EXOC6: variants seen among roughly 807,000 people sequenced by gnomAD.
EXOC6 encodes exocyst complex component 6, also known as SEC15-like 1.
In EXOC6, 60 loss-of-function variants were observed where a neutral mutation model predicts 112.5. The ratio of observed to expected loss-of-function variants is 0.53; its 90% CI spans 0.43 to 0.66. EXOC6 has a LOEUF of 0.66. Ranked by LOEUF, EXOC6 falls within the 30% of genes least tolerant of loss-of-function variation. The probability of loss-of-function intolerance (pLI) is 0.00; values close to 1 mark genes in which losing one functional copy is unlikely to be tolerated. For missense variants in EXOC6, 855 were observed against 957.1 expected (o/e 0.89, Z 1.41); for synonymous variants, 295 against 308.0 (o/e 0.96, Z 0.44).
intron 8 of EXOC6, among the ~76,000 whole-genome samples, chr10:92,927,025 C>T (rs556064637): frequency 2.0e-5 from 3 of 152,060 alleles, no homozygotes; most frequent in East Asian, 1.9e-4. Context: ...TAATTGTTTG[C>T]GTATAAAATA....
chr10:92,936,148 A>C (rs1369617033), intron 12 of EXOC6, among the ~76,000 whole-genome samples: 6 of 152,206 alleles, frequency 3.9e-5, no homozygotes, highest in African/African-American at 1.4e-4. Flanking sequence ...TATAGTTGAA[A>C]AAAAGAATAC....
intron 20 of EXOC6, among the ~76,000 whole-genome samples, chr10:93,032,093 C>T (rs1845305226): frequency 6.6e-6 from 1 of 152,150 alleles, no homozygotes; most frequent in African/African-American, 2.4e-5. Flanking sequence ...TAGCCTTCGT[C>T]TCCACAGACA....
chr10:92,941,607 A>G (rs1400940521), intron 13 of EXOC6, among the ~76,000 whole-genome samples: 1 of 152,212 alleles, frequency 6.6e-6, no homozygotes, highest in Admixed American at 6.5e-5. Flanking sequence ...TTAAATACTT[A>G]TAAGACTATA....
At chr10:93,047,197 A>G (rs1382865399) in intron 20 of EXOC6, among the ~76,000 whole-genome samples, 1 of 152,032 alleles carries the variant, frequency 6.6e-6, no homozygotes, top group Non-Finnish European at 1.5e-5. Context: ...CAGAGGAGAG[A>G]TTGTGATGTC....
Position 92,948,380 on chromosome 10 carries a change from G to A in EXOC6, c.1416+1G>A. 1 of 1,494,938 alleles carries A rather than the reference G, an allele frequency of 6.7e-7. No homozygotes were observed. The highest frequency in any genetic ancestry group is 9.1e-7 in the Non-Finnish European group (1 of 1,099,418). The allele number at this position is 1,494,938 out of a possible 1,614,324, so 92.6% of individuals were successfully genotyped here. Reference sequence around the variant, plus strand: ...CTTTCAAGATCCAGACCTTGAAAAGGTACAAGCTAGTTTTTAATTCAAGGA... The same window carrying A: ...CTTTCAAGATCCAGACCTTGAAAAGATACAAGCTAGTTTTTAATTCAAGGA... On this transcript the variant is annotated splice_donor_variant, in intron 14 of 21. Coordinates refer to ENST00000260762, the MANE Select transcript of EXOC6 (RefSeq NM_019053.6). LOFTEE classifies it high-confidence loss of function.
chr10:92,899,337 T>C (rs1035355154), intron 4 of EXOC6, among the ~76,000 whole-genome samples: 2 of 152,176 alleles, frequency 1.3e-5, no homozygotes, highest in Non-Finnish European at 1.5e-5. Context: ...GGTTAGCATA[T>C]ACAAGTGTTC....
At chr10:92,990,107 C>T (rs891362737) in intron 18 of EXOC6, among the ~76,000 whole-genome samples, 2 of 151,948 alleles carry the variant, frequency 1.3e-5, no homozygotes, top group African/African-American at 4.8e-5. Flanking sequence ...AGTCAAGGTC[C>T]ACTCTTTGAA....
At chr10:92,931,408 A>G (rs1852030359) in intron 9 of EXOC6, among the ~76,000 whole-genome samples, 1 of 151,536 alleles carries the variant, frequency 6.6e-6, no homozygotes, top group African/African-American at 2.4e-5. Flanking sequence ...GTTGACATAT[A>G]ATAATTGTAC....
At chr10:92,896,191 T>A (rs1208875419) in intron 4 of EXOC6, among the ~76,000 whole-genome samples, 181 of 15,314 alleles carry the variant, frequency 0.012, 5 homozygotes, top group Non-Finnish European at 0.015. Flanking sequence ...ATTTTTTTTT[T>A]TTTTTTTTTT....
At chr10:92,952,625 G>T (rs926101458) in intron 15 of EXOC6, among the ~76,000 whole-genome samples, 1 of 152,092 alleles carries the variant, frequency 6.6e-6, no homozygotes, top group Admixed American at 6.6e-5. Flanking sequence ...GTAGTCTCCA[G>T]TATCTGTTGT....
In EXOC6 at chr10:93,058,421, G is replaced by C. The variant is rs771691480; in HGVS notation, c.*66G>C. On this transcript the variant is annotated 3_prime_UTR_variant, in exon 22 of 22. Transcript: ENST00000260762. ...TCAATGTTGATCTTGAGCAAGTATTGGTCATGATACAGTAATTTGTTTACA... is the reference window on the plus strand; with the variant it reads ...TCAATGTTGATCTTGAGCAAGTATTCGTCATGATACAGTAATTTGTTTACA... 84 of 1,398,376 alleles carry C rather than the reference G, an allele frequency of 6.0e-5. No individual in the cohort carries two copies. In the African/African-American group the frequency reaches 6.4e-4, roughly 11 times the overall value. 86.6% of individuals were successfully genotyped at this position (1,398,376 alleles called of 1,614,324 possible).
intron 20 of EXOC6, among the ~76,000 whole-genome samples, chr10:93,035,620 T>C (rs1845480980): frequency 1.3e-5 from 2 of 151,984 alleles, no homozygotes; most frequent in African/African-American, 4.8e-5. Context: ...TTAGGGAGGT[T>C]GAGGTGAGCG....
rs1848588370 is a variant in EXOC6 at position 92,874,243 on chromosome 10, ATT to A, written c.102-19105_102-19104del. Among the ~76,000 whole-genome samples the A allele has an allele frequency of 2.0e-5, 3 of 152,246 alleles. No homozygotes were observed. The South Asian group carries it at 6.2e-4, about 32-fold the overall frequency. ...TCAGTTTTTTACTTAGCAGTACAAT[ATT>A]GTTGGTGTTGTGAAAAAACTAAAAG... is the stretch of plus-strand genomic sequence containing the variant. On this transcript the variant is annotated intron_variant, in intron 1 of 21. Coordinates refer to ENST00000260762, the MANE Select transcript of EXOC6 (RefSeq NM_019053.6).
rs547687508 is a variant in EXOC6 at position 93,021,499 on chromosome 10, T to C, written c.2169+7232T>C. On this transcript the variant is annotated intron_variant, in intron 20 of 21. Transcript: ENST00000260762. ...TCCAAGGGTGAGGGAGTTTTCGCTT[T>C]ATCCCTACAACTCTCAACTTCATTC... Among the ~76,000 whole-genome samples the C allele has an allele frequency of 9.2e-5, 14 of 152,350 alleles. No individual in the cohort carries two copies. The South Asian group carries it at 2.7e-3, about 29-fold the overall frequency.
chr10:92,924,725 G>A (rs924567271), intron 8 of EXOC6, among the ~76,000 whole-genome samples: 1 of 152,068 alleles, frequency 6.6e-6, no homozygotes, highest in African/African-American at 2.4e-5. Context: ...GTGGCTTTTG[G>A]TTATGTGGAT....
intron 20 of EXOC6, among the ~76,000 whole-genome samples, chr10:93,050,022 T>G (rs185539836): frequency 8.9e-4 from 135 of 152,178 alleles, no homozygotes; most frequent in South Asian, 2.1e-3. Context: ...GTTAACTGTA[T>G]GGTACATCTC....
rs1192679270 is a variant in EXOC6 at position 93,058,377 on chromosome 10, G to A, written c.*22G>A. ...GTAGACCTCACATGGCTTGCACTCA[G>A]TGACACCAAATCCATGATTCAATGT... is the stretch of plus-strand genomic sequence containing the variant. On this transcript the variant is annotated 3_prime_UTR_variant, in exon 22 of 22. Coordinates refer to ENST00000260762, the MANE Select transcript of EXOC6 (RefSeq NM_019053.6). 1 of 1,568,428 alleles carries A rather than the reference G, an allele frequency of 6.4e-7. No individual in the cohort carries two copies. The highest frequency in any genetic ancestry group is 2.1e-5 in the Admixed American group (1 of 48,190).
Position 92,920,107 on chromosome 10 carries a change from T to G in EXOC6, c.888+57T>G, listed in dbSNP as rs781706057. 12 of 1,110,044 alleles carry G rather than the reference T, an allele frequency of 1.1e-5. No homozygotes were observed. Among genetic ancestry groups the G allele is most frequent in the Non-Finnish European group, 1.4e-5 (11 of 783,972 alleles). The allele number at this position is 1,110,044 out of a possible 1,614,324, so 68.8% of individuals were successfully genotyped here. ...CTTTATATTATTTAAAAGGCATGTATGTATTTTAGGCCCTAAAAATTGATC... is the reference window on the plus strand; with the variant it reads ...CTTTATATTATTTAAAAGGCATGTAGGTATTTTAGGCCCTAAAAATTGATC... On this transcript the variant is annotated intron_variant, in intron 8 of 21. Coordinates refer to ENST00000260762, the MANE Select transcript of EXOC6 (RefSeq NM_019053.6).
chr10:93,023,117 T>G (rs778198914), intron 20 of EXOC6, among the ~76,000 whole-genome samples: 18 of 25,054 alleles, frequency 7.2e-4, no homozygotes, highest in Admixed American at 1.3e-3. Context: ...CATGCTTCTG[T>G]TTTTTTTTAG....
Sources: allele counts gnomAD v4.1 joint callset (sites outside exome capture counted in the v4.1 genomes callset), GRCh38; gene constraint gnomAD v4.1.1; transcripts MANE v1.5; gene names NCBI Gene and HGNC (gene_info 2026-07-23, HGNC 2026-07-21).